The following SLC35F4 variants were observed in gnomAD, a reference collection of about 807,000 sequenced individuals.
SLC35F4 encodes the protein chromosome 14 open reading frame 36.
Under a neutral mutation model 44.2 loss-of-function variants are expected in SLC35F4, and 24 were observed. The ratio of observed to expected loss-of-function variants is 0.54; its 90% CI spans 0.39 to 0.76. The LOEUF (loss-of-function observed/expected upper bound fraction) is 0.76, where lower values mean the gene tolerates loss of function less well. Ranked by LOEUF, SLC35F4 falls within the 30% of genes least tolerant of loss-of-function variation. The probability of loss-of-function intolerance (pLI) is 0.00; values close to 1 mark genes in which losing one functional copy is unlikely to be tolerated. For missense variants in SLC35F4, 562 were observed against 586.1 expected (o/e 0.96, Z 0.42); for synonymous variants, 238 against 223.6 (o/e 1.06, Z -0.57).
At chr14:57,932,231 T>G (rs572755947) in intron 1 of SLC35F4, among the ~76,000 whole-genome samples, 38 of 152,322 alleles carry the variant, frequency 2.5e-4, no homozygotes, top group African/African-American at 8.2e-4. Flanking sequence ...TTTCCACAGT[T>G]TTTATGATGA....
intron 1 of SLC35F4, among the ~76,000 whole-genome samples, chr14:57,644,887 C>T (rs1056636685): frequency 6.6e-6 from 1 of 152,124 alleles, no homozygotes; most frequent in Admixed American, 6.5e-5. Flanking sequence ...AATCCTTTCC[C>T]CATTGCTTGT....
intron 1 of SLC35F4, among the ~76,000 whole-genome samples, chr14:57,781,977 T>C (rs1416104177): frequency 6.6e-6 from 1 of 152,182 alleles, no homozygotes; most frequent in African/African-American, 2.4e-5. Context: ...GTTTAATACC[T>C]GGGTGATAAA....
At chr14:57,921,448 A>G (rs1403779800) in intron 1 of SLC35F4, among the ~76,000 whole-genome samples, 1 of 152,214 alleles carries the variant, frequency 6.6e-6, no homozygotes, top group Non-Finnish European at 1.5e-5. Flanking sequence ...TGGCTTTTTC[A>G]TCTCTAAAGC....
At chr14:57,780,399 A>G (rs1214994258) in intron 1 of SLC35F4, among the ~76,000 whole-genome samples, 1 of 152,166 alleles carries the variant, frequency 6.6e-6, no homozygotes, top group Non-Finnish European at 1.5e-5. Flanking sequence ...TATCTCTACA[A>G]TAAGAATTAC....
intron 1 of SLC35F4, among the ~76,000 whole-genome samples, chr14:57,953,465 T>A (rs76392861): frequency 6.6e-6 from 1 of 152,176 alleles, no homozygotes; most frequent in East Asian, 1.9e-4. Flanking sequence ...TCTAAATGCC[T>A]TAATTAAAAG....
At chr14:57,839,045 C>T (rs949616502) in intron 1 of SLC35F4, among the ~76,000 whole-genome samples, 1 of 152,028 alleles carries the variant, frequency 6.6e-6, no homozygotes, top group African/African-American at 2.4e-5. Context: ...ACACAGGGGT[C>T]TTAAGGTTAA....
intron 1 of SLC35F4, among the ~76,000 whole-genome samples, chr14:57,709,635 G>C (rs2075768420): frequency 6.6e-6 from 1 of 152,142 alleles, no homozygotes; most frequent in Admixed American, 6.5e-5. Context: ...AGGTGCTCTT[G>C]CTATGCATTA....
chr14:57,742,011 A>G (rs1233122098), intron 1 of SLC35F4, among the ~76,000 whole-genome samples: 1 of 152,206 alleles, frequency 6.6e-6, no homozygotes, highest in Non-Finnish European at 1.5e-5. Flanking sequence ...TCCTTTAAAG[A>G]CAAGCAAATG....
At chr14:57,693,221 T>C (rs1428302924) in intron 1 of SLC35F4, among the ~76,000 whole-genome samples, 1 of 152,166 alleles carries the variant, frequency 6.6e-6, no homozygotes, top group Non-Finnish European at 1.5e-5. Flanking sequence ...ACCAAATGAG[T>C]AGGGCACTAA....
intron 1 of SLC35F4, among the ~76,000 whole-genome samples, chr14:57,595,120 A>C (rs1467477235): frequency 6.6e-6 from 1 of 152,186 alleles, no homozygotes; most frequent in Non-Finnish European, 1.5e-5. Flanking sequence ...ACCACATTAC[A>C]TTTAATCATC....
chr14:57,937,125 T>C lies in SLC35F4; in HGVS notation n.282+44788A>G, dbSNP rs143503102. 4.8e-4 allele frequency among the ~76,000 whole-genome samples: 72 copies of C among 150,626 alleles called. 1 individual carries two copies. The highest frequency in any genetic ancestry group is 3.1e-3 in the Admixed American group (46 of 15,004). On this transcript the variant is annotated intron_variant and non_coding_transcript_variant, in intron 1 of 1. Transcript: ENST00000556568. ...TCTTGTCACCCAGGCTGGAGTGCAA[T>C]GGCGCTATCTCGGCTCACGGCAACC...
At chr14:57,580,479 T>A (rs1434524885) in intron 4 of SLC35F4, 1 of 350,566 alleles carries the variant, frequency 2.9e-6, no homozygotes, top group Admixed American at 4.4e-5. Context: ...TTCATCATAG[T>A]GGCATGCCGG....
chr14:57,880,125 A>G (rs1484591253), intron 1 of SLC35F4, among the ~76,000 whole-genome samples: 1 of 151,770 alleles, frequency 6.6e-6, no homozygotes, highest in Non-Finnish European at 1.5e-5. Flanking sequence ...AGATCTTTTG[A>G]AATATTTTCA....
intron 1 of SLC35F4, among the ~76,000 whole-genome samples, chr14:57,979,229 G>A (rs199699388): frequency 6.6e-6 from 1 of 152,156 alleles, no homozygotes; most frequent in Non-Finnish European, 1.5e-5. Flanking sequence ...GAAAACAACC[G>A]CAGCAGCAGA....
intron 1 of SLC35F4, among the ~76,000 whole-genome samples, chr14:57,949,662 T>C (rs1378466266): frequency 6.6e-6 from 1 of 152,204 alleles, no homozygotes; most frequent in Non-Finnish European, 1.5e-5. Context: ...TTTGGTGTAC[T>C]CTGAGGTTTT....
At chr14:57,750,704 G>A (rs2076864554) in intron 1 of SLC35F4, among the ~76,000 whole-genome samples, 1 of 151,886 alleles carries the variant, frequency 6.6e-6, no homozygotes, top group Admixed American at 6.6e-5. Context: ...TCGTGTCCTT[G>A]GCCTGCTTTT....
intron 1 of SLC35F4, among the ~76,000 whole-genome samples, chr14:57,613,745 T>C (rs1399788900): frequency 1.3e-5 from 2 of 152,218 alleles, no homozygotes; most frequent in African/African-American, 4.8e-5. Context: ...AGCCCAGACT[T>C]GGGAGTCAGG....
chr14:57,846,613 G>A (rs1419486433), intron 1 of SLC35F4, among the ~76,000 whole-genome samples: 1 of 152,278 alleles, frequency 6.6e-6, no homozygotes, highest in African/African-American at 2.4e-5. Context: ...AGAACTTAAA[G>A]TTCATATCCA....
intron 1 of SLC35F4, among the ~76,000 whole-genome samples, chr14:57,879,176 T>A (rs1888465152): frequency 6.6e-6 from 1 of 152,172 alleles, no homozygotes; most frequent in African/African-American, 2.4e-5. Context: ...AATCTTATAT[T>A]CCAAGGAGTT....
Sources: allele counts gnomAD v4.1 joint callset (sites outside exome capture counted in the v4.1 genomes callset), GRCh38; gene constraint gnomAD v4.1.1; transcripts MANE v1.5; gene names NCBI Gene and HGNC (gene_info 2026-07-23, HGNC 2026-07-21).